Variants in PDK3 observed in about 807,000 individuals in gnomAD.
PDK3 encodes the protein pyruvate dehydrogenase kinase, isozyme 3.
A neutral mutation model predicts 32.0 loss-of-function variants in PDK3; 12 were observed. That is an observed-to-expected ratio of 0.37 (90% CI 0.24 to 0.61). The LOEUF (loss-of-function observed/expected upper bound fraction) is 0.61. PDK3 is among the 20% of genes least tolerant of loss of function. PDK3 has a pLI of 0.65. For missense variants in PDK3, 188 were observed against 316.9 expected, an observed-to-expected ratio of 0.59 and a Z score of 3.09; for synonymous variants, 122 against 116.3, an observed-to-expected ratio of 1.05 and a Z score of -0.31.
At chrX:24,518,333 A>C (rs1435800660) in intron 5 of PDK3, among the ~76,000 whole-genome samples, 2 of 111,394 alleles carry the variant, frequency 1.8e-5, no homozygotes, top group Middle Eastern at 4.2e-3. Context: ...AAATACAAAA[A>C]TTAGCTGGGC....
chrX:24,489,634 G>A (rs1264091997), intron 1 of PDK3, among the ~76,000 whole-genome samples: 3 of 95,657 alleles, frequency 3.1e-5, no homozygotes, highest in Non-Finnish European at 4.1e-5. Flanking sequence ...GCAGTGAGCC[G>A]AGATCACACC....
intron 5 of PDK3, among the ~76,000 whole-genome samples, chrX:24,506,850 G>A (rs149394714): frequency 2.5e-5 from 2 of 79,608 alleles, no homozygotes; most frequent in African/African-American, 1.0e-4. Flanking sequence ...TCGCTCTGTC[G>A]CCCAGGCTGG....
At chrX:24,497,049 G>A (rs186138694) in intron 2 of PDK3, among the ~76,000 whole-genome samples, 21 of 109,011 alleles carry the variant, frequency 1.9e-4, no homozygotes, top group Middle Eastern at 9.5e-3. Context: ...CAAAGTGCTG[G>A]GATTACAGGT....
At chrX:24,488,559 C>T (rs1921464895) in intron 1 of PDK3, among the ~76,000 whole-genome samples, 2 of 111,293 alleles carry the variant, frequency 1.8e-5, no homozygotes, top group Admixed American at 1.9e-4. Context: ...TGTGGTGGTG[C>T]ATGCCTGTAA....
intron 1 of PDK3, among the ~76,000 whole-genome samples, chrX:24,482,323 C>T (rs949170602): frequency 3.0e-4 from 33 of 111,601 alleles, no homozygotes; most frequent in African/African-American, 1.0e-3. Flanking sequence ...ATTCTCCTGC[C>T]TTAGCCTCCC....
intron 1 of PDK3, among the ~76,000 whole-genome samples, chrX:24,481,205 G>A (rs1033384202): frequency 1.8e-5 from 2 of 110,743 alleles, no homozygotes; most frequent in Admixed American, 1.9e-4. Context: ...CACTGCACGC[G>A]GCTAATTTTT....
chrX:24,518,057 T>C (rs1431309232), intron 5 of PDK3, among the ~76,000 whole-genome samples: 1 of 112,548 alleles, frequency 8.9e-6, no homozygotes, highest in East Asian at 2.8e-4. Flanking sequence ...GAACGTATAG[T>C]CTTGAGTTCC....
intron 6 of PDK3, among the ~76,000 whole-genome samples, chrX:24,524,946 C>T (rs1265296682): frequency 3.6e-5 from 4 of 111,667 alleles, no homozygotes; most frequent in Non-Finnish European, 7.5e-5. Context: ...CACCTGAGGT[C>T]GGGAGTTCGA....
At chrX:24,485,222 T>A (rs1921368146) in intron 1 of PDK3, among the ~76,000 whole-genome samples, 1 of 110,923 alleles carries the variant, frequency 9.0e-6, no homozygotes, top group East Asian at 2.8e-4. Flanking sequence ...GTGGTGCACA[T>A]CTGTAATCCC....
rs776962830 is a variant in PDK3, at chrX:24,511,004, C to CT, written c.595+5707dup. Among the ~76,000 whole-genome samples, 296 of 112,350 alleles carry CT rather than the reference C, an allele frequency of 2.6e-3. 2 individuals are homozygous for CT. The highest frequency in any genetic ancestry group is 3.8e-3 in the Non-Finnish European group (202 of 53,256). On this transcript the variant is annotated intron_variant, in intron 5 of 10. Coordinates refer to ENST00000379162, the MANE Select transcript of PDK3 (RefSeq NM_005391.5). ...AAGCTCTTTCTACCTCCAAGTAAGACTGAGAGAGAATAAAGAAGGCACAGA... is the reference window on the plus strand; with the variant it reads ...AAGCTCTTTCTACCTCCAAGTAAGACTTGAGAGAGAATAAAGAAGGCACAGA...
At chrX:24,503,275 A>G in intron 3 of PDK3, 52 bp from the exon 4 acceptor site, 1 of 906,949 alleles carries the variant, frequency 1.1e-6, no homozygotes, top group Admixed American at 2.9e-5. Flanking sequence ...AAGTCTGTGC[A>G]TCAGCCCATG....
chrX:24,509,555 C>T (rs1248901148), intron 5 of PDK3, among the ~76,000 whole-genome samples: 1 of 110,833 alleles, frequency 9.0e-6, no homozygotes, highest in Non-Finnish European at 1.9e-5. Context: ...CAAATCCCAC[C>T]TCCACACTCA....
chrX:24,532,862 G>GC (rs1279842996), intron 10 of PDK3, among the ~76,000 whole-genome samples: 3 of 110,643 alleles, frequency 2.7e-5, no homozygotes, highest in African/African-American at 9.9e-5. Flanking sequence ...TTAAACAGTG[G>GC]CATAACATGC....
At chrX:24,548,284 G>A (rs1213560692) in exon 12 of PDK3, 1 of 112,095 alleles carries the variant, frequency 8.9e-6, no homozygotes, top group Non-Finnish European at 1.9e-5. Context: ...CTTTTATCAT[G>A]CTTCTCTGAG....
At chrX:24,499,008 C>T (rs770711749) in intron 3 of PDK3, 108 bp downstream of exon 3, 6 of 403,688 alleles carry the variant, frequency 1.5e-5, no homozygotes, top group South Asian at 1.7e-4. Context: ...TGGACAAAAG[C>T]GTTCATTTTC....
At chrX:24,497,730 T>G (rs1436689651) in intron 2 of PDK3, among the ~76,000 whole-genome samples, 1 of 112,882 alleles carries the variant, frequency 8.9e-6, no homozygotes, top group Non-Finnish European at 1.9e-5. Context: ...GTTACTAGAG[T>G]GTCCTCATCC....
At chrX:24,465,591 C>A in intron 1 of PDK3, 30 bp downstream of exon 1, 2 of 1,028,408 alleles carry the variant, frequency 1.9e-6, no homozygotes, top group East Asian at 3.3e-5. Context: ...TCCCCATGGG[C>A]CCGGGGCCGC....
At chrX:24,503,305 G>A (rs373263561) in intron 3 of PDK3, 22 bp from the exon 4 acceptor site, 12 of 1,171,100 alleles carry the variant, frequency 1.0e-5, no homozygotes, top group East Asian at 3.0e-5. Context: ...GACTGACCAC[G>A]TTTTGTTTCC....
At chrX:24,483,498 A>G (rs1921313969) in intron 1 of PDK3, among the ~76,000 whole-genome samples, 1 of 111,858 alleles carries the variant, frequency 8.9e-6, no homozygotes, top group Admixed American at 9.5e-5. Flanking sequence ...ATTGACTGTT[A>G]CTGCCACTGT....
Sources: allele counts gnomAD v4.1 joint callset (sites outside exome capture counted in the v4.1 genomes callset), GRCh38; gene constraint gnomAD v4.1.1; transcripts MANE v1.5; gene names NCBI Gene and HGNC (gene_info 2026-07-23, HGNC 2026-07-21).